The following CLIC5 variants were observed in gnomAD, a reference collection of about 807,000 sequenced individuals.
CLIC5 encodes the protein chloride intracellular channel protein 5.
CLIC5 carries 20 observed loss-of-function variants against 24.7 expected under a neutral mutation model. The ratio of observed to expected loss-of-function variants is 0.81; its 90% CI spans 0.57 to 1.18. The LOEUF is 1.18. Ranked by LOEUF, CLIC5 falls within the 50% of genes most tolerant of loss-of-function variation. CLIC5 has a pLI of 0.00. For missense variants in CLIC5, 341 were observed against 326.1 expected, an observed-to-expected ratio of 1.05 and a Z score of -0.35; for synonymous variants, 159 against 135.6, an observed-to-expected ratio of 1.17 and a Z score of -1.20.
upstream of CLIC5, among the ~76,000 whole-genome samples, chr6:46,018,293 T>C (rs1767078569): frequency 6.6e-6 from 1 of 152,238 alleles, no homozygotes; most frequent in African/African-American, 2.4e-5. Context: ...TTGGCTATGA[T>C]CTAAACAATG....
intron 1 of CLIC5, among the ~76,000 whole-genome samples, chr6:45,997,612 G>A (rs932865921): frequency 2.0e-5 from 3 of 151,652 alleles, no homozygotes; most frequent in Admixed American, 1.3e-4. Flanking sequence ...GAAGTAGGAC[G>A]AATATCTACT....
chr6:46,108,738 C>T, the CLIC5 span, among the ~76,000 whole-genome samples: 23 of 152,204 alleles, frequency 1.5e-4, no homozygotes, highest in African/African-American at 5.5e-4. Context: ...AGTCTCCTGT[C>T]ACTCTATATG....
In CLIC5 at chr6:46,063,609, A is replaced by G. The variant is rs141532050; in HGVS notation, c.540+16094T>C. The stretch of plus-strand genomic sequence containing the variant: ...GAGGAGTCCCCTTGAATCTTTGACT[A>G]AGTCCTGATCTGCATGTGCATGGGA... On this transcript the variant is annotated intron_variant, in intron 1 of 5. Coordinates refer to the CLIC5 transcript ENST00000185206. Among the ~76,000 whole-genome samples, 377 of 152,308 alleles carry G rather than the reference A, an allele frequency of 2.5e-3. 1 individual carries two copies. Among genetic ancestry groups the G allele is most frequent in the Non-Finnish European group, 3.5e-3 (239 of 68,022 alleles).
rs367887961 is a variant in CLIC5 at position 46,046,744 on chromosome 6, G to A, written c.540+32959C>T. 7.2e-5 allele frequency among the ~76,000 whole-genome samples: 11 copies of A among 152,182 alleles called. No individual in the cohort carries two copies. The East Asian group carries it at 1.7e-3, about 24-fold the overall frequency. On this transcript the variant is annotated intron_variant, in intron 1 of 5. Transcript: ENST00000185206. ...TGTGTCAGCGAAGTCTAACTACACA[G>A]GAGGTGTTTGTTCCTAACAGACATG... is the stretch of plus-strand genomic sequence containing the variant.
the CLIC5 span, among the ~76,000 whole-genome samples, chr6:46,094,532 C>G: frequency 2.0e-5 from 3 of 152,204 alleles, no homozygotes; most frequent in Non-Finnish European, 4.4e-5. Context: ...GGCCCCCATG[C>G]AAGTCTGAAA....
intron 1 of CLIC5, among the ~76,000 whole-genome samples, chr6:46,021,160 G>A (rs1452658289): frequency 2.1e-5 from 3 of 145,042 alleles, no homozygotes; most frequent in Non-Finnish European, 4.5e-5. Context: ...TAACCTAGAA[G>A]ACTTACCAAT....
At chr6:45,962,528 A>G (rs1408635939) in intron 1 of CLIC5, among the ~76,000 whole-genome samples, 1 of 151,386 alleles carries the variant, frequency 6.6e-6, no homozygotes, top group African/African-American at 2.4e-5. Flanking sequence ...ATCCAGAGTA[A>G]TGTCTGGTCA....
At chr6:46,079,871 G>A (rs776860416) in exon 1 of CLIC5, 2 of 1,552,120 alleles carry the variant, frequency 1.3e-6, no homozygotes. Flanking sequence ...CATTCTCCTG[G>A]AGTTCTGCTG....
chr6:45,953,340 C>G (rs571031947), intron 2 of CLIC5, among the ~76,000 whole-genome samples: 3 of 152,222 alleles, frequency 2.0e-5, no homozygotes, highest in African/African-American at 7.2e-5. Flanking sequence ...ACATAGACAA[C>G]AGGTGCTGGG....
At chr6:46,100,015 C>T in the CLIC5 span, among the ~76,000 whole-genome samples, 35 of 151,924 alleles carry the variant, frequency 2.3e-4, no homozygotes, top group South Asian at 5.8e-3. Context: ...TGAGACCTCG[C>T]TTCTACTATT....
intron 6 of CLIC5, among the ~76,000 whole-genome samples, chr6:45,892,526 C>T (rs1762362288): frequency 6.6e-6 from 1 of 152,176 alleles, no homozygotes; most frequent in South Asian, 2.1e-4. Flanking sequence ...ATTCATGATC[C>T]TGTGGGTGCA....
At chr6:46,040,555 G>A (rs1767778438) in intron 1 of CLIC5, among the ~76,000 whole-genome samples, 1 of 151,930 alleles carries the variant, frequency 6.6e-6, no homozygotes, top group East Asian at 1.9e-4. Flanking sequence ...CATTGATAAA[G>A]GTGATAATGA....
chr6:46,096,463 G>C, the CLIC5 span, among the ~76,000 whole-genome samples: 2 of 152,236 alleles, frequency 1.3e-5, no homozygotes, highest in Non-Finnish European at 2.9e-5. Context: ...AGTCATGTAG[G>C]ATAGGACTTC....
chr6:45,941,497 G>A (rs763419317), intron 4 of CLIC5, 50 bp downstream of exon 4: 9 of 1,379,948 alleles, frequency 6.5e-6, no homozygotes, highest in Non-Finnish European at 8.3e-6. Flanking sequence ...GATGCCTTGG[G>A]CAGCAGATAG....
chr6:45,949,317 C>A lies in CLIC5; in HGVS notation c.238G>T (p.Asp80Tyr), dbSNP rs1334523396. The part of the protein sequence containing the change: ...THPPFLTFNG[D>Y]VKTDVNKIEE... The stretch of plus-strand genomic sequence containing the variant: ...ATCTTATTGACGTCTGTCTTCACGT[C>A]CCCGTTGAAGGTCAGGAAGGGCGGG... The change falls in exon 3 of 6, where the codon GAC (aspartate) becomes TAC (tyrosine). Residue 80 changes from aspartate (D) to tyrosine (Y), a missense_variant. Transcript: ENST00000339561. 1.9e-6 allele frequency: 3 copies of A among 1,614,016 alleles called. No individual in the cohort carries two copies. Among genetic ancestry groups the A allele is most frequent in the East Asian group, 2.2e-5 (1 of 44,870 alleles).
chr6:46,006,998 C>T (rs569262185), intron 1 of CLIC5, among the ~76,000 whole-genome samples: 1 of 152,264 alleles, frequency 6.6e-6, no homozygotes, highest in Non-Finnish European at 1.5e-5. Context: ...AAAGCAAGTC[C>T]TTATTTCTGT....
chr6:45,973,628 A>T (rs1765275826), intron 1 of CLIC5, among the ~76,000 whole-genome samples: 1 of 152,248 alleles, frequency 6.6e-6, no homozygotes, highest in Non-Finnish European at 1.5e-5. Context: ...AAATACTATG[A>T]AAACATGTTC....
chr6:45,941,926 G>A (rs1360708059), intron 3 of CLIC5, among the ~76,000 whole-genome samples: 1 of 152,164 alleles, frequency 6.6e-6, no homozygotes, highest in Non-Finnish European at 1.5e-5. Flanking sequence ...GTCTCAGGAT[G>A]TGTCCTTTTC....
intron 1 of CLIC5, among the ~76,000 whole-genome samples, chr6:46,031,994 G>A (rs1361389170): frequency 6.6e-6 from 1 of 150,440 alleles, no homozygotes. Context: ...TATATTTCCT[G>A]GAAGGCTAGA....
Sources: gnomAD v4.1 joint callset for allele counts (sites outside exome capture counted in the v4.1 genomes callset) on GRCh38, gnomAD v4.1.1 for gene constraint, MANE v1.5 for transcripts, NCBI Gene and HGNC (gene_info 2026-07-23, HGNC 2026-07-21) for gene names.